The following ITGB2 variants were observed in gnomAD, a reference collection of about 807,000 sequenced individuals.
ITGB2 encodes the protein integrin subunit beta 2.
ITGB2 carries 56 observed loss-of-function variants against 86.8 expected under a neutral mutation model. That is an observed-to-expected ratio of 0.65 (90% confidence interval 0.52 to 0.81). The LOEUF (loss-of-function observed/expected upper bound fraction) is 0.81, where lower values mean the gene tolerates loss of function less well. ITGB2 is among the 30% of genes least tolerant of loss of function. The probability of loss-of-function intolerance (pLI) is 0.00; values close to 1 mark genes in which losing one functional copy is unlikely to be tolerated. For synonymous variants in ITGB2, 457 were observed against 450.4 expected, an observed-to-expected ratio of 1.01 and a Z score of -0.19; for missense variants, 948 against 1,061.2, an observed-to-expected ratio of 0.89 and a Z score of 1.48.
At chr21:44,896,707 T>C (rs1291693149) in intron 8 of ITGB2, among the ~76,000 whole-genome samples, 1 of 152,098 alleles carries the variant, frequency 6.6e-6, no homozygotes, top group Admixed American at 6.5e-5. Flanking sequence ...GCTGTGCGCT[T>C]GGTGCAGAAA....
In ITGB2 at chr21:44,901,654, G is replaced by C; in HGVS notation, c.579C>G (p.Asn193Lys). The part of the protein sequence containing the change: ...HPDKLRNPCP[N>K]KEKECQPPFA... ...ACGGGGGCTGGCACTCTTTCTCCTT[G>C]TTGGGGCATGGGTTTCGCAGCTTAT... is the stretch of plus-strand genomic sequence containing the variant. The change falls in exon 6 of 16, where the codon AAC (asparagine) becomes AAG (lysine). Residue 193 changes from asparagine (N) to lysine (K), a missense_variant. By Grantham distance (94) the Asn-to-Lys change is moderately conservative. Transcript: ENST00000652462. 6.2e-7 allele frequency: 1 copy of C among 1,614,270 alleles called. No homozygotes were observed. Among genetic ancestry groups the C allele is most frequent in the Non-Finnish European group, 8.5e-7 (1 of 1,180,048 alleles).
intron 1 of ITGB2, among the ~76,000 whole-genome samples, chr21:44,913,258 C>T (rs887356414): frequency 2.0e-5 from 3 of 152,112 alleles, no homozygotes; most frequent in African/African-American, 4.8e-5. Flanking sequence ...CCCAGCTCCA[C>T]GCTCTCCCTG....
chr21:44,890,955 A>T (rs2083777987), intron 11 of ITGB2, among the ~76,000 whole-genome samples: 2 of 151,960 alleles, frequency 1.3e-5, no homozygotes, highest in African/African-American at 4.8e-5. Context: ...AGCAACAGAG[A>T]CCACCAAGAC....
upstream of ITGB2, among the ~76,000 whole-genome samples, chr21:44,921,607 G>A (rs2084306029): frequency 6.6e-6 from 1 of 151,878 alleles, no homozygotes; most frequent in Non-Finnish European, 1.5e-5. Flanking sequence ...GGAGGAGGAG[G>A]AAGAGGAGGG....
chr21:44,912,062 C>T (rs2084142198), intron 1 of ITGB2, among the ~76,000 whole-genome samples: 1 of 152,182 alleles, frequency 6.6e-6, no homozygotes, highest in Non-Finnish European at 1.5e-5. Context: ...GAAGACATTT[C>T]CGTTACCCTG....
chr21:44,901,472 A>G lies in ITGB2; in HGVS notation c.741+20T>C. 1 of 1,612,814 alleles carries G rather than the reference A, an allele frequency of 6.2e-7. No individual in the cohort carries two copies. ...CACACTGGGGGAACGTGGGGACCCA[A>G]GCAGGGGCAGCGGCCTCACCGGGCA... On this transcript the variant is annotated intron_variant, in intron 6 of 15. Coordinates refer to ENST00000652462, the MANE Select transcript of ITGB2 (RefSeq NM_000211.5).
chr21:44,909,884 C>A (rs543196421), intron 3 of ITGB2, among the ~76,000 whole-genome samples: 1 of 152,170 alleles, frequency 6.6e-6, no homozygotes, highest in African/African-American at 2.4e-5. Context: ...TGGTGGGTCC[C>A]GTCACTGGCC....
At chr21:44,898,900 C>A (rs751750121) in intron 8 of ITGB2, among the ~76,000 whole-genome samples, 167 bp downstream of exon 8, 20 of 152,206 alleles carry the variant, frequency 1.3e-4, no homozygotes, top group Non-Finnish European at 2.1e-4. Flanking sequence ...CTGTCCCCGA[C>A]GGGAAGCCTC....
In ITGB2 at chr21:44,902,782, G is replaced by A. The variant is rs368385790; in HGVS notation, c.499+583C>T. 3.7e-4 allele frequency among the ~76,000 whole-genome samples: 56 copies of A among 152,184 alleles called. No homozygotes were observed. In the South Asian group the frequency reaches 9.1e-3, roughly 25 times the overall value. ...CATGAGCGTGCATTTGTGTGTGAGC[G>A]TGCATTTGTGTGAGCATGCATTTGC... On this transcript the variant is annotated intron_variant, in intron 5 of 15. Transcript: ENST00000652462.
chr21:44,903,503 G>C lies in ITGB2; in HGVS notation c.361C>G (p.Arg121Gly). 1 of 1,614,078 alleles carries C rather than the reference G, an allele frequency of 6.2e-7. No individual in the cohort carries two copies. The highest frequency in any genetic ancestry group is 8.5e-7 in the Non-Finnish European group (1 of 1,179,960). ...AGGTCGATGGGGTAGCCCTTGGCCC[G>C]CCGGAAGGTCACGTTGAACGCTGCT... ...QAAAFNVTFR[R>G]AKGYPIDLYY... The change falls in exon 5 of 16, where the codon CGG becomes GGG. Residue 121 changes from arginine (R) to glycine (G), a missense_variant. By Grantham distance (125) the Arg-to-Gly change is moderately radical. Coordinates refer to ENST00000652462, the MANE Select transcript of ITGB2 (RefSeq NM_000211.5).
chr21:44,903,456 G>C lies in ITGB2; in HGVS notation c.408C>G (p.Ser136=), dbSNP rs1328833864. The C allele has an allele frequency of 6.2e-7, 1 of 1,614,150 alleles. No homozygotes were observed. The highest frequency in any genetic ancestry group is 8.5e-7 in the Non-Finnish European group (1 of 1,179,992). ...TCCTGAGGTCATCAAGCATGGAGTA[G>C]GAGAGGTCCATCAGATAGTACAGGT... The part of the protein sequence containing the change: ...PIDLYYLMDL[S]YSMLDDLRNV... The change falls in exon 5 of 16, where the codon TCC becomes TCG. Residue 136 remains serine (S), a synonymous_variant. Coordinates refer to ENST00000652462, the MANE Select transcript of ITGB2 (RefSeq NM_000211.5).
At position 44,903,539 on chromosome 21, in the gene ITGB2, C is replaced by A; in HGVS notation, c.329-4G>T. The stretch of plus-strand genomic sequence containing the variant: ...ACGTTGAACGCTGCTGCCTGGCCTG[C>A]CGGTGGGGACAGAACAAAAGGAGCC... On this transcript the variant is annotated splice_region_variant and splice_polypyrimidine_tract_variant and intron_variant, in intron 4 of 15. Transcript: ENST00000652462. The A allele has an allele frequency of 6.2e-7, 1 of 1,613,898 alleles. No homozygotes were observed. Among genetic ancestry groups the A allele is most frequent in the Non-Finnish European group, 8.5e-7 (1 of 1,179,900 alleles).
chr21:44,892,720 A>G (rs2083805588), intron 10 of ITGB2, among the ~76,000 whole-genome samples: 1 of 151,704 alleles, frequency 6.6e-6, no homozygotes, highest in African/African-American at 2.4e-5. Flanking sequence ...GCTGAATATT[A>G]TTTCACAGCT....
chr21:44,910,401 G>A, intron 2 of ITGB2, 29 bp from the exon 3 acceptor site: 8 of 1,613,976 alleles, frequency 5.0e-6, no homozygotes, highest in Non-Finnish European at 6.8e-6. Context: ...TGGTGAGTGG[G>A]TGCTCTGGGC....
intron 1 of ITGB2, among the ~76,000 whole-genome samples, chr21:44,919,533 G>A (rs373540749): frequency 9.2e-5 from 14 of 152,198 alleles, no homozygotes; most frequent in Non-Finnish European, 1.6e-4. Context: ...CTGGGGTGAC[G>A]GCAGACAGCC....
chr21:44,908,225 A>G (rs2084074089), intron 3 of ITGB2: 2 of 680,838 alleles, frequency 2.9e-6, no homozygotes, highest in Non-Finnish European at 5.5e-6. Flanking sequence ...TGCTGACGGT[A>G]AGGAATGAGA....
chr21:44,919,441 G>A (rs2084265324), intron 1 of ITGB2, among the ~76,000 whole-genome samples: 2 of 152,216 alleles, frequency 1.3e-5, no homozygotes, highest in Non-Finnish European at 2.9e-5. Flanking sequence ...GGCCACTCTT[G>A]GTAAAGTGCT....
At position 44,893,531 on chromosome 21, in the gene ITGB2, CTGG is replaced by C; in HGVS notation, c.1094_1096del (p.Ser365_Arg366delinsTrp). Reference sequence around the variant, plus strand: ...GAGGGCGTTGTGATCCAGGAAGACCCTGGAGGAGAGTTTCTGCGGGCAGAGAGC... The same window carrying C: ...GAGGGCGTTGTGATCCAGGAAGACCCAGGAGAGTTTCTGCGGGCAGAGAGC... On this transcript the variant is annotated inframe_deletion, in exon 10 of 16. Transcript: ENST00000652462. 1 of 1,613,982 alleles carries C rather than the reference CTGG, an allele frequency of 6.2e-7. No homozygotes were observed.
Position 44,888,864 on chromosome 21 carries a change from C to G in ITGB2, c.1909G>C (p.Gly637Arg). ...GCGCTGCAGTTCTTCCCAAAGGGGC[C>G]CTTTTCGAACTTCAGGCACTCGGCG... ...SCAECLKFEK[G>R]PFGKNCSAAC... The change falls in exon 14 of 16, where the codon GGC becomes CGC. Residue 637 changes from glycine to arginine, a missense_variant. Physicochemically the swap from Gly to Arg is moderately radical, Grantham distance 125 (BLOSUM62 -2). Transcript: ENST00000652462. 1 of 1,608,340 alleles carries G rather than the reference C, an allele frequency of 6.2e-7. No individual in the cohort carries two copies. The highest frequency in any genetic ancestry group is 8.5e-7 in the Non-Finnish European group (1 of 1,179,926).
Sources: gnomAD v4.1 joint callset for allele counts (sites outside exome capture counted in the v4.1 genomes callset) on GRCh38, gnomAD v4.1.1 for gene constraint, MANE v1.5 for transcripts, NCBI Gene and HGNC (gene_info 2026-07-23, HGNC 2026-07-21) for gene names.